PIK3AP1: variants seen among roughly 807,000 people sequenced by gnomAD.
PIK3AP1 encodes phosphoinositide-3-kinase adaptor protein 1.
PIK3AP1 carries 21 observed loss-of-function variants against 88.1 expected under a neutral mutation model. The observed-to-expected ratio is 0.24, with a 90% confidence interval of 0.17 to 0.34. The LOEUF is 0.34. Among genes scored for constraint, PIK3AP1 ranks in the 10% least tolerant of loss-of-function variants. The probability of loss-of-function intolerance (pLI) is 1.00; values close to 1 mark genes in which losing one functional copy is unlikely to be tolerated. For synonymous variants in PIK3AP1, 398 were observed against 400.0 expected, an observed-to-expected ratio of 1.00 and a Z score of 0.06; for missense variants, 828 against 1,035.7, an observed-to-expected ratio of 0.80 and a Z score of 2.75.
At chr10:96,685,062 A>G (rs923492880) in intron 2 of PIK3AP1, among the ~76,000 whole-genome samples, 4 of 152,256 alleles carry the variant, frequency 2.6e-5, no homozygotes, top group African/African-American at 9.6e-5. Context: ...GGAGGAAGGA[A>G]GCAAAGAATG....
At chr10:96,596,768 G>A (rs1287568611) in intron 16 of PIK3AP1, among the ~76,000 whole-genome samples, 3 of 152,176 alleles carry the variant, frequency 2.0e-5, no homozygotes, top group Non-Finnish European at 4.4e-5. Context: ...GATTACAGAT[G>A]GCATTTCCAC....
At position 96,656,792 on chromosome 10, in the gene PIK3AP1, G is replaced by T. The variant is rs1181114398; in HGVS notation, c.567+6C>A. Reference sequence around the variant, plus strand: ...ATCCAGCTACCAGGCCCCCAGCAGTGCCTACCCCACAGCGAATGCGGTCCG... The same window carrying T: ...ATCCAGCTACCAGGCCCCCAGCAGTTCCTACCCCACAGCGAATGCGGTCCG... On this transcript the variant is annotated splice_donor_region_variant and intron_variant, in intron 3 of 16. Coordinates refer to ENST00000339364, the MANE Select transcript of PIK3AP1 (RefSeq NM_152309.3). 1 of 1,613,722 alleles carries T rather than the reference G, an allele frequency of 6.2e-7. No individual in the cohort carries two copies. The highest frequency in any genetic ancestry group is 1.3e-5 in the African/African-American group (1 of 74,892).
chr10:96,638,174 C>T (rs1022498917), intron 8 of PIK3AP1, among the ~76,000 whole-genome samples: 2 of 152,076 alleles, frequency 1.3e-5, no homozygotes, highest in Admixed American at 1.3e-4. Flanking sequence ...AAACTTAATC[C>T]CTCCATCCTC....
At chr10:96,677,573 G>GCACATACA (rs1165671423) in intron 2 of PIK3AP1, among the ~76,000 whole-genome samples, 2 of 94,004 alleles carry the variant, frequency 2.1e-5, no homozygotes, top group Admixed American at 1.0e-4. Context: ...TCCTCACTAA[G>GCACATACA]CACATACACA....
chr10:96,708,574 CAAAAAAAA>C (rs924470384), intron 2 of PIK3AP1, among the ~76,000 whole-genome samples: 9 of 12,828 alleles, frequency 7.0e-4, no homozygotes, highest in South Asian at 2.6e-3. Context: ...GGATCTGTCT[CAAAAAAAA>C]AAAAAAAAAA....
intron 2 of PIK3AP1, among the ~76,000 whole-genome samples, chr10:96,670,177 G>A (rs78384591): frequency 2.2e-5 from 3 of 135,422 alleles, no homozygotes; most frequent in African/African-American, 6.6e-5. Flanking sequence ...AAAAAAAAGA[G>A]AGAGAGAGAG....
rs190428636 is a variant in PIK3AP1 at position 96,650,571 on chromosome 10, C to G, written c.988+677G>C. On this transcript the variant is annotated intron_variant, in intron 6 of 16. Transcript: ENST00000339364. ...GACAGCCTAGCAAAGAAGACAGACA[C>G]AGCTGAGGAGTGCTAGGTCAATGGC... 2.1e-3 allele frequency among the ~76,000 whole-genome samples: 314 copies of G among 152,342 alleles called. 1 individual carries two copies. The highest frequency in any genetic ancestry group is 7.3e-3 in the African/African-American group (304 of 41,566).
At chr10:96,646,534 C>T (rs891750381) in intron 7 of PIK3AP1, among the ~76,000 whole-genome samples, 9 of 152,124 alleles carry the variant, frequency 5.9e-5, no homozygotes, top group African/African-American at 1.4e-4. Flanking sequence ...TGACTAGCCA[C>T]GCAGAAATTC....
chr10:96,685,821 G>C (rs1451527297), intron 2 of PIK3AP1, among the ~76,000 whole-genome samples: 1 of 152,162 alleles, frequency 6.6e-6, no homozygotes, highest in Non-Finnish European at 1.5e-5. Context: ...CATCTTCAGG[G>C]ATGACATGTG....
chr10:96,629,923 AAAAAAAAAAG>A (rs1344427260), intron 8 of PIK3AP1, among the ~76,000 whole-genome samples: 3 of 67,626 alleles, frequency 4.4e-5, no homozygotes, highest in African/African-American at 1.3e-4. Flanking sequence ...AAAAAAAAAA[AAAAAAAAAAG>A]AAGAAGAAGA....
chr10:96,696,292 A>G (rs1844220439), intron 2 of PIK3AP1, among the ~76,000 whole-genome samples: 1 of 152,206 alleles, frequency 6.6e-6, no homozygotes, highest in South Asian at 2.1e-4. Context: ...ATTTTGATCA[A>G]TTACTGATTT....
chr10:96,668,572 G>A (rs1214141959), intron 2 of PIK3AP1, among the ~76,000 whole-genome samples: 1 of 152,166 alleles, frequency 6.6e-6, no homozygotes, highest in East Asian at 1.9e-4. Context: ...TTAAGAGCTT[G>A]CCACCAATCT....
chr10:96,675,484 A>G (rs1843905991), intron 2 of PIK3AP1, among the ~76,000 whole-genome samples: 1 of 152,134 alleles, frequency 6.6e-6, no homozygotes, highest in South Asian at 2.1e-4. Context: ...GTCGAAAGCT[A>G]TGATGGATTC....
At chr10:96,684,342 C>A (rs1844041360) in intron 2 of PIK3AP1, among the ~76,000 whole-genome samples, 1 of 152,186 alleles carries the variant, frequency 6.6e-6, no homozygotes, top group Non-Finnish European at 1.5e-5. Context: ...AAACGCTAGT[C>A]CAGGAATGGG....
chr10:96,650,881 A>G (rs1039735891), intron 6 of PIK3AP1, among the ~76,000 whole-genome samples: 6 of 152,154 alleles, frequency 3.9e-5, no homozygotes, highest in African/African-American at 1.4e-4. Flanking sequence ...AGCAGTTTGG[A>G]TTTTATCTAG....
In PIK3AP1 at chr10:96,609,809, A is replaced by G. The variant is rs766208052; in HGVS notation, c.2073T>C (p.Phe691=). 1.2e-5 allele frequency: 20 copies of G among 1,614,006 alleles called. No individual in the cohort carries two copies. Among genetic ancestry groups the G allele is most frequent in the Non-Finnish European group, 1.7e-5 (20 of 1,179,990 alleles). Residue 691 remains phenylalanine, a synonymous_variant, in exon 14 of 17, where the codon TTT becomes TTC. Coordinates refer to ENST00000339364, the MANE Select transcript of PIK3AP1 (RefSeq NM_152309.3). ...TCCTGGGGCCACTCTCATAGACTCCAAACTCCACTTTTGCAGGCAGGTGCT... is the reference window on the plus strand; with the variant it reads ...TCCTGGGGCCACTCTCATAGACTCCGAACTCCACTTTTGCAGGCAGGTGCT... ...HSQHLPAKVE[F]GVYESGPRKS...
At chr10:96,683,557 C>T (rs1485917104) in intron 2 of PIK3AP1, among the ~76,000 whole-genome samples, 1 of 152,164 alleles carries the variant, frequency 6.6e-6, no homozygotes, top group Non-Finnish European at 1.5e-5. Context: ...ACATCTCATT[C>T]CATTGCTACT....
At position 96,599,742 on chromosome 10, in the gene PIK3AP1, C is replaced by A. The variant is rs1054483251; in HGVS notation, c.2360+2538G>T. On this transcript the variant is annotated intron_variant, in intron 16 of 16. Transcript: ENST00000339364. ...TTATTGTGAACATTGCATACTCACA[C>A]ATCTTTTTTCACACCAAAAATGCAC... Among the ~76,000 whole-genome samples, 10 of 152,306 alleles carry A rather than the reference C, an allele frequency of 6.6e-5. No individual in the cohort carries two copies. The South Asian group carries it at 1.2e-3, about 19-fold the overall frequency.
At chr10:96,707,316 G>A (rs1001093365) in intron 2 of PIK3AP1, among the ~76,000 whole-genome samples, 9 of 152,174 alleles carry the variant, frequency 5.9e-5, no homozygotes, top group Admixed American at 2.0e-4. Flanking sequence ...GTTTTGAGAC[G>A]GAGTCTTGCT....
Sources: gnomAD v4.1 joint callset for allele counts (sites outside exome capture counted in the v4.1 genomes callset) on GRCh38, gnomAD v4.1.1 for gene constraint, MANE v1.5 for transcripts, NCBI Gene and HGNC (gene_info 2026-07-23, HGNC 2026-07-21) for gene names.